Variants in SYNCRIP observed in about 807,000 individuals in gnomAD.
The protein encoded by SYNCRIP is synaptotagmin binding cytoplasmic RNA interacting protein, also known as heterogeneous nuclear ribonucleoprotein Q.
Under a neutral mutation model 68.9 loss-of-function variants are expected in SYNCRIP, and 9 were observed. The ratio of observed to expected loss-of-function variants is 0.13; its 90% CI spans 0.08 to 0.23. The LOEUF is 0.23. SYNCRIP is among the 10% of genes least tolerant of loss of function. SYNCRIP has a pLI of 1.00. For missense variants in SYNCRIP, 414 were observed against 770.6 expected (o/e 0.54, Z 5.48); for synonymous variants, 258 against 254.0 (o/e 1.02, Z -0.15).
rs1211083168 is a variant in SYNCRIP at position 85,640,432 on chromosome 6, GACATTA to G, written c.267+8_267+13del. ...ACTCAAATTTTTTAATTTTCACATT[GACATTA>G]ACATTACCTGAACATGAGAGAGATC... On this transcript the variant is annotated splice_region_variant and intron_variant, in intron 3 of 10. Coordinates refer to ENST00000369622, the MANE Select transcript of SYNCRIP (RefSeq NM_006372.5). The G allele has an allele frequency of 1.4e-5, 23 of 1,589,464 alleles. No individual in the cohort carries two copies. Among genetic ancestry groups the G allele is most frequent in the Non-Finnish European group, 1.9e-5 (22 of 1,164,766 alleles).
chr6:85,634,008 A>C (rs1293705167), intron 6 of SYNCRIP, among the ~76,000 whole-genome samples: 1 of 152,220 alleles, frequency 6.6e-6, no homozygotes, highest in Non-Finnish European at 1.5e-5. Context: ...AAAGGATTCA[A>C]ATCACAACAG....
In SYNCRIP at chr6:85,614,330, G is replaced by A. The variant is rs975699055; in HGVS notation, c.*426C>T. 17 of 987,470 alleles carry A rather than the reference G, an allele frequency of 1.7e-5. No individual in the cohort carries two copies. The highest frequency in any genetic ancestry group is 1.8e-5 in the Non-Finnish European group (15 of 831,246). The allele number at this position is 987,470 out of a possible 1,614,324, so 61.2% of individuals were successfully genotyped here. A position where few individuals can be genotyped will look rare whatever the true frequency, so the allele number is the denominator to read the frequency against. On this transcript the variant is annotated 3_prime_UTR_variant, in exon 11 of 11. Transcript: ENST00000369622. ...GTTCTAAATTAAAAATAGCAGTTGT[G>A]TATCAATTTACCTTATTCTAGCAAT...
upstream of SYNCRIP, chr6:85,642,919 G>C (rs979471821): frequency 6.6e-6 from 1 of 152,532 alleles, no homozygotes; most frequent in Non-Finnish European, 1.5e-5. Flanking sequence ...CGAAGCTCAC[G>C]CCGCTGGCAG....
intron 6 of SYNCRIP, among the ~76,000 whole-genome samples, chr6:85,628,257 T>C (rs1171736838): frequency 2.6e-5 from 4 of 152,154 alleles, no homozygotes; most frequent in South Asian, 4.1e-4. Flanking sequence ...GGTTTCACCA[T>C]GTTGGCCAGG....
chr6:85,618,642 TAGTA>T lies in SYNCRIP; in HGVS notation c.1280+172_1280+175del, dbSNP rs576281583. 5.9e-5 allele frequency among the ~76,000 whole-genome samples: 9 copies of T among 152,352 alleles called. No individual in the cohort carries two copies. In the East Asian group the frequency reaches 1.5e-3, roughly 26 times the overall value. ...TGATTATTTTCACAAATATGGTTCA[TAGTA>T]AGAGTTCAATAAACACTTAGATCAC... On this transcript the variant is annotated intron_variant, in intron 10 of 10. Coordinates refer to ENST00000369622, the MANE Select transcript of SYNCRIP (RefSeq NM_006372.5).
intron 6 of SYNCRIP, among the ~76,000 whole-genome samples, chr6:85,636,135 A>G (rs947846052): frequency 2.6e-5 from 4 of 152,222 alleles, no homozygotes; most frequent in Non-Finnish European, 5.9e-5. Context: ...TACATAAACT[A>G]TAATTTAAAA....
Position 85,614,205 on chromosome 6 carries a change from T to C in SYNCRIP, c.*551A>G. 1.0e-6 allele frequency: 1 copy of C among 985,662 alleles called. No individual in the cohort carries two copies. The highest frequency in any genetic ancestry group is 1.2e-6 in the Non-Finnish European group (1 of 829,694). The allele number at this position is 985,662 out of a possible 1,614,324, so 61.1% of individuals were successfully genotyped here. On this transcript the variant is annotated 3_prime_UTR_variant, in exon 11 of 11. Coordinates refer to ENST00000369622, the MANE Select transcript of SYNCRIP (RefSeq NM_006372.5). ...GAAAAACGAATTGTAAACACAATTT[T>C]AGTAAGTATACATTTAGGTGTGAAT...
downstream of SYNCRIP, chr6:85,612,573 A>G (rs531713174): frequency 4.8e-6 from 1 of 210,228 alleles, no homozygotes; most frequent in African/African-American, 2.3e-5. Context: ...CTTAGAGCAG[A>G]TTTTTAAAAG....
Position 85,618,801 on chromosome 6 carries a change from A to T in SYNCRIP, c.1280+17T>A, listed in dbSNP as rs747869856. 1 of 1,569,588 alleles carries T rather than the reference A, an allele frequency of 6.4e-7. No individual in the cohort carries two copies. The highest frequency in any genetic ancestry group is 8.7e-7 in the Non-Finnish European group (1 of 1,155,186). On this transcript the variant is annotated intron_variant, in intron 10 of 10. Coordinates refer to ENST00000369622, the MANE Select transcript of SYNCRIP (RefSeq NM_006372.5). Reference sequence around the variant, plus strand: ...ATTAAAATTTATACAATTTTTAAGTATACAAATTTCACTCACATTTGATTT... The same window carrying T: ...ATTAAAATTTATACAATTTTTAAGTTTACAAATTTCACTCACATTTGATTT...
intron 7 of SYNCRIP, among the ~76,000 whole-genome samples, chr6:85,623,267 T>C (rs1806626387): frequency 6.6e-6 from 1 of 152,068 alleles, no homozygotes; most frequent in South Asian, 2.1e-4. Context: ...TGACAATATA[T>C]AAACTCTGTT....
rs199668111 is a variant in SYNCRIP at position 85,641,425 on chromosome 6, A to T, written c.15T>A (p.His5Gln). MATEHVNGNGTEEPM... is the reference protein window; with the variant it reads MATEQVNGNGTEEPM... The stretch of plus-strand genomic sequence containing the variant: ...GCTCTTCAGTACCATTTCCATTAAC[A>T]TGTTCTGTAGCCATGTTTCCAGAGA... The change falls in exon 2 of 11, where the codon CAT (histidine) becomes CAA (glutamine). Residue 5 changes from histidine to glutamine, a missense_variant. Coordinates refer to ENST00000369622, the MANE Select transcript of SYNCRIP (RefSeq NM_006372.5). 21 of 1,613,390 alleles carry T rather than the reference A, an allele frequency of 1.3e-5. No homozygotes were observed. In the East Asian group the frequency reaches 4.7e-4, roughly 36 times the overall value.
intron 4 of SYNCRIP, among the ~76,000 whole-genome samples, chr6:85,638,602 C>A (rs1023888180): frequency 6.6e-6 from 1 of 152,076 alleles, no homozygotes. Context: ...TCACCTCAGT[C>A]TCTGAAAATT....
downstream of SYNCRIP, chr6:85,612,987 T>A (rs55704113): frequency 1.8e-4 from 265 of 1,505,856 alleles, no homozygotes; most frequent in African/African-American, 3.2e-3. Flanking sequence ...TGTACATACA[T>A]AATGATAACA....
chr6:85,629,692 C>T (rs956029514), intron 6 of SYNCRIP, among the ~76,000 whole-genome samples: 3 of 151,944 alleles, frequency 2.0e-5, no homozygotes, highest in Admixed American at 2.0e-4. Flanking sequence ...CGTGGTGGTG[C>T]TCACCTGTAG....
chr6:85,641,932 C>T (rs1481152866), intron 1 of SYNCRIP, among the ~76,000 whole-genome samples: 5 of 152,204 alleles, frequency 3.3e-5, no homozygotes, highest in Admixed American at 3.3e-4. Context: ...TTTCTCCACC[C>T]TTTAACCCCG....
At chr6:85,637,179 T>G in intron 5 of SYNCRIP, 36 bp from the exon 6 acceptor site, 1 of 1,605,964 alleles carries the variant, frequency 6.2e-7, no homozygotes, top group Non-Finnish European at 8.5e-7. Context: ...CCATGGAGAA[T>G]TGCTTTAGGA....
intron 10 of SYNCRIP, among the ~76,000 whole-genome samples, chr6:85,615,811 A>G (rs1805700073): frequency 6.6e-6 from 1 of 152,118 alleles, no homozygotes; most frequent in Admixed American, 6.5e-5. Context: ...CTCTGACTCA[A>G]AAAAAAATTT....
chr6:85,614,025 G>C lies in SYNCRIP; in HGVS notation c.*731C>G. ...TTTTGATGGGAACATGAAGTCTGTT[G>C]TAAAATAGCACTTTAAACCAGAAGC... On this transcript the variant is annotated 3_prime_UTR_variant, in exon 11 of 11. Coordinates refer to ENST00000369622, the MANE Select transcript of SYNCRIP (RefSeq NM_006372.5). The C allele has an allele frequency of 3.0e-6, 3 of 985,498 alleles. No homozygotes were observed. Among genetic ancestry groups the C allele is most frequent in the Non-Finnish European group, 3.6e-6 (3 of 829,780 alleles). The allele number at this position is 985,498 out of a possible 1,614,324, so 61.0% of individuals were successfully genotyped here. A position where few individuals can be genotyped will look rare whatever the true frequency, so the allele number is the denominator to read the frequency against.
chr6:85,617,333 T>C (rs955143469), intron 10 of SYNCRIP, among the ~76,000 whole-genome samples: 1 of 152,154 alleles, frequency 6.6e-6, no homozygotes, highest in African/African-American at 2.4e-5. Flanking sequence ...TCTCCCTCTA[T>C]CAAGTACCAA....
Sources: allele counts gnomAD v4.1 joint callset (sites outside exome capture counted in the v4.1 genomes callset), GRCh38; gene constraint gnomAD v4.1.1; transcripts MANE v1.5; gene names NCBI Gene and HGNC (gene_info 2026-07-23, HGNC 2026-07-21).